EFHD2: variants seen among roughly 807,000 people sequenced by gnomAD.
The protein encoded by EFHD2 is EF-hand domain family member D2, also known as EF-hand domain-containing protein D2.
EFHD2 carries 12 observed loss-of-function variants against 20.3 expected under a neutral mutation model. That is an observed-to-expected ratio of 0.59 (90% CI 0.38 to 0.96). The LOEUF (loss-of-function observed/expected upper bound fraction) is 0.96, where lower values mean the gene tolerates loss of function less well. Among genes scored for constraint, EFHD2 ranks in the 40% least tolerant of loss-of-function variants. The pLI is 0.00. For missense variants in EFHD2, 250 were observed against 334.3 expected (o/e 0.75, Z 1.97); for synonymous variants, 131 against 143.9 (o/e 0.91, Z 0.64).
chr1:15,415,679 G>A (rs1312755710), intron 1 of EFHD2, among the ~76,000 whole-genome samples: 5 of 151,800 alleles, frequency 3.3e-5, no homozygotes, highest in Non-Finnish European at 7.4e-5. Flanking sequence ...GAGTAGAGAC[G>A]GGATTTCACC....
At chr1:15,419,728 C>T (rs1570767025) in intron 1 of EFHD2, among the ~76,000 whole-genome samples, 1 of 152,332 alleles carries the variant, frequency 6.6e-6, no homozygotes, top group South Asian at 2.1e-4. Context: ...ACCTCAGTTC[C>T]AGCTCAGGGA....
At position 15,413,350 on chromosome 1, in the gene EFHD2, T is replaced by C. The variant is rs1459120572; in HGVS notation, c.308+3071T>C. Among the ~76,000 whole-genome samples, 2 of 152,058 alleles carry C rather than the reference T, an allele frequency of 1.3e-5. No individual in the cohort carries two copies. Among genetic ancestry groups the C allele is most frequent in the African/African-American group, 4.8e-5 (2 of 41,386 alleles). ...CTGGGCTTCCATCCTAGTCTGCTTG[T>C]CCTCCCTGGGCCTCAGTCTACCCAC... On this transcript the variant is annotated intron_variant, in intron 1 of 3. Transcript: ENST00000375980. This position sits in a 1 kb window ranked among gnomAD's most constrained non-coding sequence, Gnocchi z 4.4.
chr1:15,423,577 G>A (rs1216563638), intron 1 of EFHD2, among the ~76,000 whole-genome samples: 2 of 152,162 alleles, frequency 1.3e-5, no homozygotes, highest in Non-Finnish European at 2.9e-5. Flanking sequence ...GACTGTGGGT[G>A]GGTCACTTAA....
rs928323524 is a variant in EFHD2 at position 15,428,884 on chromosome 1, G to A, written c.*160G>A. 29 of 1,118,704 alleles carry A rather than the reference G, an allele frequency of 2.6e-5. No homozygotes were observed. Among genetic ancestry groups the A allele is most frequent in the Non-Finnish European group, 3.3e-5 (26 of 792,922 alleles). The allele number at this position is 1,118,704 out of a possible 1,614,324, so 69.3% of individuals were successfully genotyped here. A position where few individuals can be genotyped will look rare whatever the true frequency, so the allele number is the denominator to read the frequency against. ...CAAGTTCAGGGGTCTTATGGAGGTG[G>A]CCCGGCCCCTCCCCGCTCCCTTCCA... On this transcript the variant is annotated 3_prime_UTR_variant, in exon 4 of 4. Coordinates refer to ENST00000375980, the MANE Select transcript of EFHD2 (RefSeq NM_024329.6).
At position 15,420,351 on chromosome 1, in the gene EFHD2, T is replaced by C. The variant is rs887885714; in HGVS notation, c.309-5520T>C. 5.3e-5 allele frequency among the ~76,000 whole-genome samples: 8 copies of C among 152,160 alleles called. No individual in the cohort carries two copies. In the East Asian group the frequency reaches 5.8e-4, roughly 11 times the overall value. ...ATTTTCATTTTCTTTTTTGTGTTTG[T>C]TTGTCTTTTAAACAAGGTCTCACTC... On this transcript the variant is annotated intron_variant, in intron 1 of 3. Transcript: ENST00000375980.
intron 1 of EFHD2, among the ~76,000 whole-genome samples, chr1:15,414,864 G>A (rs1247564656): frequency 6.6e-6 from 1 of 152,218 alleles, no homozygotes; most frequent in Non-Finnish European, 1.5e-5. Flanking sequence ...GCACAAAAAA[G>A]GGGAGAGCAA....
At chr1:15,412,719 G>A (rs1273887682) in intron 1 of EFHD2, among the ~76,000 whole-genome samples, 1 of 152,232 alleles carries the variant, frequency 6.6e-6, no homozygotes, top group Non-Finnish European at 1.5e-5. Flanking sequence ...AAATGAGCGG[G>A]ACTTGGGAGG....
chr1:15,410,146 C>A lies in EFHD2; in HGVS notation c.175C>A (p.Leu59Met). ...CGCGGACTGCGAGCTGAGCGCCAAG[C>A]TGCTGCGGCGCGCAGACCTCAACCA... The part of the protein sequence containing the change: ...GSADCELSAK[L>M]LRRADLNQGI... The change falls in exon 1 of 4, where the codon CTG becomes ATG. Residue 59 changes from leucine (L) to methionine (M), a missense_variant. Coordinates refer to ENST00000375980, the MANE Select transcript of EFHD2 (RefSeq NM_024329.6). The A allele has an allele frequency of 6.3e-7, 1 of 1,597,606 alleles. No homozygotes were observed. Among genetic ancestry groups the A allele is most frequent in the Non-Finnish European group, 8.5e-7 (1 of 1,173,954 alleles).
rs2496312 is a variant in EFHD2, at chr1:15,420,252, A to G, written c.309-5619A>G. Among the ~76,000 whole-genome samples the G allele has an allele frequency of 6.5e-3, 997 of 152,372 alleles. 7 individuals carry two copies. The highest frequency in any genetic ancestry group is 0.022 in the African/African-American group (934 of 41,588). ...ACACAAACTTCTCAATATAACAACTACTATTACGATGATGATGAAATTAAC... is the reference window on the plus strand; with the variant it reads ...ACACAAACTTCTCAATATAACAACTGCTATTACGATGATGATGAAATTAAC... On this transcript the variant is annotated intron_variant, in intron 1 of 3. Coordinates refer to ENST00000375980, the MANE Select transcript of EFHD2 (RefSeq NM_024329.6).
At chr1:15,417,684 A>G (rs1429897851) in intron 1 of EFHD2, among the ~76,000 whole-genome samples, 1 of 152,166 alleles carries the variant, frequency 6.6e-6, no homozygotes. Context: ...CTTTCCCTAT[A>G]TGAGTCAGGC....
At chr1:15,428,081 A>G in intron 3 of EFHD2, 1 of 442,300 alleles carries the variant, frequency 2.3e-6, no homozygotes, top group South Asian at 1.6e-5. Flanking sequence ...AAGTGAGGAA[A>G]CTGAGGCTCA....
At chr1:15,418,872 T>C (rs1707738430) in intron 1 of EFHD2, among the ~76,000 whole-genome samples, 2 of 152,244 alleles carry the variant, frequency 1.3e-5, no homozygotes, top group South Asian at 4.1e-4. Context: ...CCTTGTCACC[T>C]ATGACCTGGG....
In EFHD2 at chr1:15,414,989, C is replaced by G. The variant is rs113430274; in HGVS notation, c.308+4710C>G. 5.4e-3 allele frequency among the ~76,000 whole-genome samples: 823 copies of G among 152,236 alleles called. 6 individuals are homozygous for G. Among genetic ancestry groups the G allele is most frequent in the African/African-American group, 0.018 (740 of 41,520 alleles). ...CTCAGTTTCCCCTGGGGCTCAAGAACCTACCTGGTAAAGTTCTGAGGATTA... is the reference window on the plus strand; with the variant it reads ...CTCAGTTTCCCCTGGGGCTCAAGAAGCTACCTGGTAAAGTTCTGAGGATTA... On this transcript the variant is annotated intron_variant, in intron 1 of 3. Coordinates refer to ENST00000375980, the MANE Select transcript of EFHD2 (RefSeq NM_024329.6).
intron 1 of EFHD2, among the ~76,000 whole-genome samples, chr1:15,410,601 C>T (rs1460727683): frequency 6.6e-6 from 1 of 152,126 alleles, no homozygotes; most frequent in African/African-American, 2.4e-5. Context: ...GCCCCGCGAG[C>T]CCCACCCCCA....
intron 1 of EFHD2, among the ~76,000 whole-genome samples, chr1:15,423,497 G>C (rs1707826775): frequency 6.6e-6 from 1 of 152,196 alleles, no homozygotes; most frequent in African/African-American, 2.4e-5. Flanking sequence ...GCTGGGTACA[G>C]AGCAAATGTG....
At chr1:15,428,427 G>A (rs1707909023) in intron 3 of EFHD2, among the ~76,000 whole-genome samples, 166 bp from the exon 4 acceptor site, 2 of 152,194 alleles carry the variant, frequency 1.3e-5, no homozygotes, top group Non-Finnish European at 2.9e-5. Context: ...AACCTGGAAG[G>A]CAGAGGTTGC....
intron 1 of EFHD2, among the ~76,000 whole-genome samples, chr1:15,417,148 C>A (rs1396208174): frequency 1.3e-5 from 2 of 152,144 alleles, no homozygotes; most frequent in African/African-American, 2.4e-5. Context: ...CAGGTGTGCA[C>A]ACTGACGTTT....
At position 15,426,125 on chromosome 1, in the gene EFHD2, C is replaced by A. The variant is rs1389525156; in HGVS notation, c.456+107C>A. ...CTTTGTCAATGAATGAATGACATTGCCATTGAACAGCAGCTGTGAGCAGCT... is the reference window on the plus strand; with the variant it reads ...CTTTGTCAATGAATGAATGACATTGACATTGAACAGCAGCTGTGAGCAGCT... On this transcript the variant is annotated intron_variant, in intron 2 of 3. Coordinates refer to ENST00000375980, the MANE Select transcript of EFHD2 (RefSeq NM_024329.6). This position sits in a 1 kb window ranked among gnomAD's most constrained non-coding sequence, Gnocchi z 4.6. 1.7e-6 allele frequency: 2 copies of A among 1,203,880 alleles called. No individual in the cohort carries two copies. Among genetic ancestry groups the A allele is most frequent in the African/African-American group, 1.6e-5 (1 of 62,922 alleles). 74.6% of individuals were successfully genotyped at this position (1,203,880 alleles called of 1,614,324 possible). A position where few individuals can be genotyped will look rare whatever the true frequency, so the allele number is the denominator to read the frequency against.
chr1:15,421,243 C>T (rs1707785268), intron 1 of EFHD2, among the ~76,000 whole-genome samples: 1 of 152,138 alleles, frequency 6.6e-6, no homozygotes, highest in South Asian at 2.1e-4. Context: ...ACCACAAACC[C>T]TCAAGGCCAT....
Sources: gnomAD v4.1 joint callset for allele counts (sites outside exome capture counted in the v4.1 genomes callset) on GRCh38, gnomAD v4.1.1 for gene constraint, Gnocchi (gnomAD v3.1) non-coding constraint, MANE v1.5 for transcripts, NCBI Gene and HGNC (gene_info 2026-07-23, HGNC 2026-07-21) for gene names.